Variants in NDEL1 observed in about 807,000 individuals in gnomAD.
NDEL1 encodes nudE neurodevelopment protein 1 like 1.
Under a neutral mutation model 45.7 loss-of-function variants are expected in NDEL1, and 9 were observed. The ratio of observed to expected loss-of-function variants is 0.20; its 90% CI spans 0.12 to 0.34. NDEL1 has a LOEUF of 0.34. Ranked by LOEUF, NDEL1 falls within the 10% of genes least tolerant of loss-of-function variation. NDEL1 has a pLI of 1.00. For synonymous variants in NDEL1, 133 were observed against 158.6 expected, an observed-to-expected ratio of 0.84 and a Z score of 1.21; for missense variants, 306 against 406.2, an observed-to-expected ratio of 0.75 and a Z score of 2.12.
intron 2 of NDEL1, 132 bp downstream of exon 2, chr17:8,444,489 C>T: frequency 1.6e-6 from 1 of 631,296 alleles, no homozygotes; most frequent in Non-Finnish European, 2.8e-6. Flanking sequence ...TGAGATTCTA[C>T]AAACAGTCAC....
chr17:8,448,497 T>C (rs1910243181), intron 4 of NDEL1, 53 bp from the exon 5 acceptor site: 2 of 1,559,666 alleles, frequency 1.3e-6, no homozygotes, highest in Non-Finnish European at 8.7e-7. Context: ...TTTTGTACTA[T>C]CTGTTTGCAC....
chr17:8,438,631 A>G (rs779949767), intron 1 of NDEL1, among the ~76,000 whole-genome samples: 8 of 151,432 alleles, frequency 5.3e-5, no homozygotes, highest in Non-Finnish European at 1.2e-4. Context: ...TCCTCCCACC[A>G]CAGTCTCACG....
intron 1 of NDEL1, among the ~76,000 whole-genome samples, chr17:8,443,343 G>C (rs1909882822): frequency 6.6e-6 from 1 of 152,134 alleles, no homozygotes; most frequent in Non-Finnish European, 1.5e-5. Flanking sequence ...GTCCAGTTGA[G>C]GGCAAGAAAA....
Position 8,436,248 on chromosome 17 carries a change from G to GC in NDEL1, c.-13+209dup, listed in dbSNP as rs541855078. 1,684 of 188,958 alleles carry GC rather than the reference G, an allele frequency of 8.9e-3. 33 individuals carry two copies. The highest frequency in any genetic ancestry group is 0.048 in the South Asian group (634 of 13,276). 11.7% of individuals were successfully genotyped at this position (188,958 alleles called of 1,614,324 possible). ...CCTCCCTTCCCTGGTCCGATGTGTG[G>GC]CCCCCCAGGGGCGCCTGCAAGGGAA... On this transcript the variant is annotated intron_variant, in intron 1 of 8. Transcript: ENST00000334527.
At chr17:8,418,255 A>G (rs1908601270) in intron 1 of NDEL1, among the ~76,000 whole-genome samples, 1 of 151,862 alleles carries the variant, frequency 6.6e-6, no homozygotes. Flanking sequence ...TTTTGGTGGG[A>G]TTTCAAGAGG....
intron 6 of NDEL1, among the ~76,000 whole-genome samples, chr17:8,453,705 T>C (rs1040967563): frequency 6.6e-6 from 1 of 152,200 alleles, no homozygotes; most frequent in Non-Finnish European, 1.5e-5. Context: ...TTTCAACTTC[T>C]AATAAAAATC....
At chr17:8,458,589 A>G (rs1259483062) in intron 7 of NDEL1, among the ~76,000 whole-genome samples, 1 of 151,944 alleles carries the variant, frequency 6.6e-6, no homozygotes, top group Non-Finnish European at 1.5e-5. Context: ...AAGCTGCTGA[A>G]TTATTGCTGA....
In NDEL1 at chr17:8,466,756, T is replaced by C. The variant is rs961270331; in HGVS notation, c.945-174T>C. ...TTCCCCAGGATTCCCAAAGGCTCAATTCTCTAACCAGCTGGTGCTTTCCAG... is the reference window on the plus strand; with the variant it reads ...TTCCCCAGGATTCCCAAAGGCTCAACTCTCTAACCAGCTGGTGCTTTCCAG... On this transcript the variant is annotated intron_variant, in intron 8 of 8. Coordinates refer to ENST00000334527, the MANE Select transcript of NDEL1 (RefSeq NM_030808.5). The C allele has an allele frequency of 4.1e-5, 26 of 626,712 alleles. No individual in the cohort carries two copies. In the Admixed American group the frequency reaches 7.2e-4, roughly 17 times the overall value. The allele number at this position is 626,712 out of a possible 1,614,324, so 38.8% of individuals were successfully genotyped here.
chr17:8,422,910 A>G (rs1383497314), intron 1 of NDEL1, among the ~76,000 whole-genome samples: 4 of 151,772 alleles, frequency 2.6e-5, no homozygotes, highest in African/African-American at 9.7e-5. Context: ...TAATTTTTGT[A>G]TTTTTAGTAG....
chr17:8,449,967 G>T (rs186725980), intron 5 of NDEL1, among the ~76,000 whole-genome samples: 1 of 152,304 alleles, frequency 6.6e-6, no homozygotes, highest in East Asian at 1.9e-4. Context: ...AATTGGAAAA[G>T]ATAACATTAA....
chr17:8,445,563 G>T, intron 2 of NDEL1, 148 bp from the exon 3 acceptor site: 1 of 758,480 alleles, frequency 1.3e-6, no homozygotes, highest in Non-Finnish European at 2.0e-6. Context: ...AATATATACA[G>T]TAAGAGATGC....
At position 8,468,115 on chromosome 17, in the gene NDEL1, A is replaced by C. The variant is rs1911729092; in HGVS notation, c.*1092A>C. 1 of 152,508 alleles carries C rather than the reference A, an allele frequency of 6.6e-6. No homozygotes were observed. The highest frequency in any genetic ancestry group is 2.1e-4 in the South Asian group (1 of 4,826). 9.4% of individuals were successfully genotyped at this position (152,508 alleles called of 1,614,324 possible). ...TGTGGTTACAAAAAATACTTCCCTC[A>C]AAAAAATTCTTTTAATGTGGAAACA... On this transcript the variant is annotated 3_prime_UTR_variant, in exon 9 of 9. Transcript: ENST00000334527.
At chr17:8,434,079 T>C (rs75965800), upstream of NDEL1, among the ~76,000 whole-genome samples, 4,182 of 152,312 alleles carry the variant, frequency 0.027, 83 homozygotes, top group Non-Finnish European at 0.04. Context: ...ACATTATTTT[T>C]GTGTTCACAC....
At chr17:8,442,481 A>G (rs1339031182) in intron 1 of NDEL1, among the ~76,000 whole-genome samples, 2 of 152,190 alleles carry the variant, frequency 1.3e-5, no homozygotes, top group Non-Finnish European at 2.9e-5. Context: ...CAGTGGCACA[A>G]TCATGGCTCA....
At chr17:8,438,246 C>T (rs539473592) in intron 1 of NDEL1, among the ~76,000 whole-genome samples, 7 of 152,288 alleles carry the variant, frequency 4.6e-5, no homozygotes, top group Admixed American at 2.0e-4. Context: ...CGTGAGCCAC[C>T]GTGCCCTGCC....
upstream of NDEL1, among the ~76,000 whole-genome samples, chr17:8,432,359 A>AATATATATATATATTATATATAATTATAT (rs1567722425): frequency 1.7e-5 from 1 of 59,812 alleles, no homozygotes; most frequent in Non-Finnish European, 3.6e-5. Flanking sequence ...TATAAATATA[A>AATATATATATATATTATATATAATTATAT]ATATATATAT....
At chr17:8,417,582 G>A (rs1908583182) in intron 1 of NDEL1, among the ~76,000 whole-genome samples, 1 of 152,310 alleles carries the variant, frequency 6.6e-6, no homozygotes, top group African/African-American at 2.4e-5. Flanking sequence ...CCTGGTTGTT[G>A]GATCTCTGTG....
chr17:8,431,597 G>A (rs1274338144), upstream of NDEL1, among the ~76,000 whole-genome samples: 1 of 152,158 alleles, frequency 6.6e-6, no homozygotes, highest in African/African-American at 2.4e-5. Context: ...TAGACAATTC[G>A]AACAGGGTGG....
downstream of NDEL1, among the ~76,000 whole-genome samples, chr17:8,468,906 A>G (rs547972565): frequency 9.3e-4 from 142 of 152,304 alleles, 1 homozygote; most frequent in African/African-American, 3.3e-3. Context: ...TGGGAGGCTG[A>G]GGCAGGAGAA....
Sources: gnomAD v4.1 joint callset for allele counts (sites outside exome capture counted in the v4.1 genomes callset) on GRCh38, gnomAD v4.1.1 for gene constraint, MANE v1.5 for transcripts, NCBI Gene and HGNC (gene_info 2026-07-23, HGNC 2026-07-21) for gene names.